ZCWPW1: variants seen among roughly 807,000 people sequenced by gnomAD.
The protein encoded by ZCWPW1 is zinc finger CW-type PWWP domain protein 1.
Under a neutral mutation model 81.3 loss-of-function variants are expected in ZCWPW1, and 56 were observed. The ratio of observed to expected loss-of-function variants is 0.69; its 90% CI spans 0.56 to 0.86. The LOEUF is 0.86. ZCWPW1 is among the 40% of genes least tolerant of loss of function. ZCWPW1 has a pLI of 0.00. For missense variants in ZCWPW1, 650 were observed against 769.8 expected (o/e 0.84, Z 1.84); for synonymous variants, 250 against 273.7 (o/e 0.91, Z 0.86).
At chr7:100,415,914 G>T in intron 8 of ZCWPW1, 61 bp downstream of exon 8, 2 of 1,606,566 alleles carry the variant, frequency 1.2e-6, no homozygotes, top group Non-Finnish European at 1.7e-6. Context: ...TCCTAACCCT[G>T]CCTCTCTGCT....
At chr7:100,424,342 A>C in intron 2 of ZCWPW1, among the ~76,000 whole-genome samples, 1 of 152,208 alleles carries the variant, frequency 6.6e-6, no homozygotes, top group East Asian at 1.9e-4. Context: ...AAAATGGATC[A>C]AAATGCCTCT....
At chr7:100,405,837 G>A (rs1431886074) in intron 12 of ZCWPW1, among the ~76,000 whole-genome samples, 2 of 152,100 alleles carry the variant, frequency 1.3e-5, no homozygotes, top group African/African-American at 4.8e-5. Flanking sequence ...ATGTTGCCAG[G>A]TGGTCTCAAA....
intron 5 of ZCWPW1, among the ~76,000 whole-genome samples, chr7:100,417,907 CAG>C (rs1381692105): frequency 6.6e-6 from 1 of 151,424 alleles, no homozygotes; most frequent in Non-Finnish European, 1.5e-5. Flanking sequence ...TTTTTTGAGA[CAG>C]AGTCTTGCTC....
Position 100,420,529 on chromosome 7 carries a change from T to A in ZCWPW1, c.28+93A>T, listed in dbSNP as rs554800227. 1.7e-5 allele frequency: 25 copies of A among 1,486,390 alleles called. No homozygotes were observed. The South Asian group carries it at 2.6e-4, about 16-fold the overall frequency. The allele number at this position is 1,486,390 out of a possible 1,614,324, so 92.1% of individuals were successfully genotyped here. A position where few individuals can be genotyped will look rare whatever the true frequency, so the allele number is the denominator to read the frequency against. On this transcript the variant is annotated intron_variant, in intron 3 of 17. Transcript: ENST00000684423. ...ATTTGACCTGAGTGGGCACAGAATATAGGGACCCGTACCATCCTTTGGTGG... is the reference window on the plus strand; with the variant it reads ...ATTTGACCTGAGTGGGCACAGAATAAAGGGACCCGTACCATCCTTTGGTGG...
In ZCWPW1 at chr7:100,416,303, A is replaced by G. The variant is rs1229690800; in HGVS notation, c.631+2T>C. ...CTTCAAAGTATATCTGACTGTACTT[A>G]CGAGCTTCCTTCTTTCTTTTGCTTA... On this transcript the variant is annotated splice_donor_variant, in intron 7 of 17. Transcript: ENST00000684423. LOFTEE classifies it high-confidence loss of function. 6.2e-7 allele frequency: 1 copy of G among 1,613,930 alleles called. No homozygotes were observed.
intron 8 of ZCWPW1, among the ~76,000 whole-genome samples, chr7:100,412,830 C>A (rs1794475510): frequency 6.6e-6 from 1 of 152,190 alleles, no homozygotes; most frequent in African/African-American, 2.4e-5. Context: ...ATCCACCCGC[C>A]TCGGCCTCCC....
intron 5 of ZCWPW1, among the ~76,000 whole-genome samples, chr7:100,418,060 T>C (rs749901412): frequency 2.0e-5 from 3 of 152,000 alleles, no homozygotes; most frequent in Non-Finnish European, 4.4e-5. Context: ...AATTTTTATA[T>C]TTTTAGTAGA....
intron 8 of ZCWPW1, among the ~76,000 whole-genome samples, chr7:100,410,353 AC>A (rs1434602246): frequency 6.6e-6 from 1 of 150,438 alleles, no homozygotes; most frequent in African/African-American, 2.4e-5. Context: ...CACCTAAACC[AC>A]CCCCACCTAC....
In ZCWPW1 at chr7:100,419,854, C is replaced by T. The variant is rs758751516; in HGVS notation, c.58G>A (p.Ala20Thr). 6.3e-7 allele frequency: 1 copy of T among 1,586,128 alleles called. No individual in the cohort carries two copies. The highest frequency in any genetic ancestry group is 1.2e-5 in the South Asian group (1 of 86,138). Residue 20 changes from alanine (A) to threonine (T), a missense_variant, in exon 4 of 18, where the codon GCC (alanine) becomes ACC (threonine). By Grantham distance (58) the Ala-to-Thr change is moderately conservative. Transcript: ENST00000684423. ...ECGKGPKRIF[A>T]PPAQKSYSLL... ...CTGTAAGATTTTTGTGCAGGTGGGG[C>T]AAAGATTCTCTTTGGTCCCTTTCCA...
intron 9 of ZCWPW1, 76 bp downstream of exon 9, chr7:100,409,352 A>T: frequency 8.6e-7 from 1 of 1,164,338 alleles, no homozygotes; most frequent in Non-Finnish European, 1.3e-6. Flanking sequence ...CGTAGTATTT[A>T]ATCTAAAGGA....
intron 6 of ZCWPW1, among the ~76,000 whole-genome samples, chr7:100,416,859 T>C (rs1449397445): frequency 2.0e-5 from 3 of 151,820 alleles, no homozygotes; most frequent in South Asian, 2.1e-4. Flanking sequence ...GGCAGGAGAA[T>C]TGCTTGAACC....
In ZCWPW1 at chr7:100,419,805, G is replaced by A; in HGVS notation, c.107C>T (p.Ser36Phe). 5.0e-6 allele frequency: 8 copies of A among 1,613,420 alleles called. No homozygotes were observed. Among genetic ancestry groups the A allele is most frequent in the Non-Finnish European group, 5.9e-6 (7 of 1,179,836 alleles). ...GATCCCCGGGGTCTCCTCCTTAGGG[G>A]AGTTAGGGCTACAAGGTAACAGGCT... is the stretch of plus-strand genomic sequence containing the variant. ...SYSLLPCSPN[S>F]PKEETPGISS... Residue 36 changes from serine to phenylalanine, a missense_variant, in exon 4 of 18, where the codon TCC (serine) becomes TTC (phenylalanine). By Grantham distance (155) the Ser-to-Phe change is radical. Coordinates refer to ENST00000684423, the MANE Select transcript of ZCWPW1 (RefSeq NM_001386010.1).
intron 11 of ZCWPW1, 23 bp from the exon 12 acceptor site, chr7:100,406,821 T>G (rs1250168803): frequency 6.2e-7 from 1 of 1,603,316 alleles, no homozygotes; most frequent in East Asian, 2.2e-5. Context: ...ATGATCCTGT[T>G]ACGGACTCCT....
In ZCWPW1 at chr7:100,415,972, C is replaced by G; in HGVS notation, c.754+3G>C. The G allele has an allele frequency of 1.2e-6, 2 of 1,614,088 alleles. No homozygotes were observed. The highest frequency in any genetic ancestry group is 1.7e-6 in the Non-Finnish European group (2 of 1,180,022). ...GTAGGTTTGCCAAACCAGCTAAACT[C>G]ACCAAAACCACTTATCTCTCCTTTT... On this transcript the variant is annotated splice_donor_region_variant and intron_variant, in intron 8 of 17. Coordinates refer to ENST00000684423, the MANE Select transcript of ZCWPW1 (RefSeq NM_001386010.1).
chr7:100,406,924 A>G (rs1270828739), intron 11 of ZCWPW1, 126 bp from the exon 12 acceptor site: 2 of 800,298 alleles, frequency 2.5e-6, no homozygotes, highest in Non-Finnish European at 4.0e-6. Context: ...TACTCCTTTC[A>G]AAGCCTGACT....
intron 2 of ZCWPW1, 29 bp from the exon 3 acceptor site, chr7:100,420,707 G>A: frequency 6.3e-7 from 1 of 1,598,132 alleles, no homozygotes; most frequent in Non-Finnish European, 8.6e-7. Flanking sequence ...TAACTGCTAT[G>A]ACTCTGATTA....
At chr7:100,419,218 C>G in intron 4 of ZCWPW1, 29 bp from the exon 5 acceptor site, 1 of 1,591,838 alleles carries the variant, frequency 6.3e-7, no homozygotes, top group Non-Finnish European at 8.6e-7. Context: ...GGGAGGAAAA[C>G]CACTTATCTT....
chr7:100,418,160 C>T (rs529285202), intron 5 of ZCWPW1, among the ~76,000 whole-genome samples: 1 of 152,318 alleles, frequency 6.6e-6, no homozygotes, highest in South Asian at 2.1e-4. Context: ...GCTGGGATTA[C>T]AGGCATGAGC....
chr7:100,420,502 TA>T, intron 3 of ZCWPW1, 119 bp downstream of exon 3: 1 of 1,120,032 alleles, frequency 8.9e-7, no homozygotes, highest in Non-Finnish European at 1.3e-6. Flanking sequence ...AGCAGAGCAG[TA>T]ATTTGACCTG....
Sources: allele counts gnomAD v4.1 joint callset (sites outside exome capture counted in the v4.1 genomes callset), GRCh38; gene constraint gnomAD v4.1.1; transcripts MANE v1.5; gene names NCBI Gene and HGNC (gene_info 2026-07-23, HGNC 2026-07-21).